Variants in CRIM1 observed in about 807,000 individuals in gnomAD.
The protein encoded by CRIM1 is cysteine rich transmembrane BMP regulator 1.
A neutral mutation model predicts 116.4 loss-of-function variants in CRIM1; 32 were observed. The observed-to-expected ratio is 0.27, with a 90% CI of 0.21 to 0.37. The LOEUF is 0.37. Among genes scored for constraint, CRIM1 ranks in the 10% least tolerant of loss-of-function variants. The probability of loss-of-function intolerance (pLI) is 1.00; values close to 1 mark genes in which losing one functional copy is unlikely to be tolerated. For missense variants in CRIM1, 1,331 were observed against 1,354.8 expected (o/e 0.98, Z 0.28); for synonymous variants, 590 against 509.2 (o/e 1.16, Z -2.13).
intron 1 of CRIM1, among the ~76,000 whole-genome samples, chr2:36,371,398 G>T (rs560145000): frequency 6.6e-6 from 1 of 152,008 alleles, no homozygotes; most frequent in Non-Finnish European, 1.5e-5. Context: ...TTATTCTAGC[G>T]CTTGGCACAC....
chr2:36,424,598 T>A (rs991039621), intron 2 of CRIM1, among the ~76,000 whole-genome samples: 5 of 151,716 alleles, frequency 3.3e-5, no homozygotes, highest in African/African-American at 1.2e-4. Context: ...ACTTCACACA[T>A]CACTCTCCTT....
Position 36,470,865 on chromosome 2 carries a change from T to C in CRIM1, c.992-6024T>C, listed in dbSNP as rs116100689. 7.2e-3 allele frequency among the ~76,000 whole-genome samples: 1,102 copies of C among 152,294 alleles called. 11 individuals carry two copies. The highest frequency in any genetic ancestry group is 0.011 in the Non-Finnish European group (725 of 68,026). ...ATCAGAACTAAATCAATTGAAAACC[T>C]TCTGCAAAGGATTCACTCACCATTC... is the stretch of plus-strand genomic sequence containing the variant. On this transcript the variant is annotated intron_variant, in intron 5 of 16. Coordinates refer to ENST00000280527, the MANE Select transcript of CRIM1 (RefSeq NM_016441.3).
chr2:36,432,248 G>A (rs139610746), intron 2 of CRIM1, among the ~76,000 whole-genome samples: 176 of 152,208 alleles, frequency 1.2e-3, no homozygotes, highest in African/African-American at 4.0e-3. Context: ...AAAATTAAAC[G>A]TTTTGAAACC....
In CRIM1 at chr2:36,412,996, A is replaced by G. The variant is rs115420244; in HGVS notation, c.505+16209A>G. On this transcript the variant is annotated intron_variant, in intron 2 of 16. Coordinates refer to ENST00000280527, the MANE Select transcript of CRIM1 (RefSeq NM_016441.3). ...ATATCCCCAGGAAAAAGGTTATAAAATTACAACACCTAGACACATTGAGGT... is the reference window on the plus strand; with the variant it reads ...ATATCCCCAGGAAAAAGGTTATAAAGTTACAACACCTAGACACATTGAGGT... Among the ~76,000 whole-genome samples the G allele has an allele frequency of 4.4e-3, 676 of 152,342 alleles. 10 individuals carry two copies. Among genetic ancestry groups the G allele is most frequent in the African/African-American group, 0.016 (653 of 41,568 alleles).
intron 15 of CRIM1, among the ~76,000 whole-genome samples, chr2:36,546,326 G>A (rs903517430): frequency 1.3e-5 from 2 of 152,066 alleles, no homozygotes; most frequent in Non-Finnish European, 2.9e-5. Flanking sequence ...AGAACATAAA[G>A]GTCATCATTC....
chr2:36,393,284 T>G (rs1399197967), intron 1 of CRIM1, among the ~76,000 whole-genome samples: 1 of 152,202 alleles, frequency 6.6e-6, no homozygotes, highest in Non-Finnish European at 1.5e-5. Context: ...CATACAGTGC[T>G]GTAATGATAA....
intron 2 of CRIM1, among the ~76,000 whole-genome samples, chr2:36,406,533 C>T (rs1672808360): frequency 1.3e-5 from 2 of 151,654 alleles, no homozygotes; most frequent in Non-Finnish European, 2.9e-5. Flanking sequence ...ATCCTTTGCT[C>T]ATGTCAGGAA....
intron 1 of CRIM1, among the ~76,000 whole-genome samples, chr2:36,379,547 G>A (rs1437317587): frequency 6.6e-6 from 1 of 152,156 alleles, no homozygotes; most frequent in Non-Finnish European, 1.5e-5. Context: ...GAGGTAATGT[G>A]CAGTCTTCCG....
chr2:36,451,099 A>G (rs1484868508), intron 4 of CRIM1, among the ~76,000 whole-genome samples: 2 of 152,236 alleles, frequency 1.3e-5, no homozygotes, highest in East Asian at 3.8e-4. Context: ...AAAATGCTCC[A>G]ATCGGTTAAA....
intron 9 of CRIM1, among the ~76,000 whole-genome samples, chr2:36,510,478 A>T (rs930618160): frequency 2.6e-5 from 4 of 152,170 alleles, no homozygotes; most frequent in Non-Finnish European, 4.4e-5. Context: ...AACTCTTCAC[A>T]CCTGTCCCAA....
intron 1 of CRIM1, among the ~76,000 whole-genome samples, chr2:36,362,273 C>T (rs374991228): frequency 6.6e-6 from 1 of 152,142 alleles, no homozygotes; most frequent in Non-Finnish European, 1.5e-5. Context: ...GGAATTAAAG[C>T]ATCTGAAGTG....
chr2:36,548,787 A>AG lies in CRIM1; in HGVS notation c.*87dup. 8.7e-7 allele frequency: 1 copy of AG among 1,149,984 alleles called. No homozygotes were observed. Among genetic ancestry groups the AG allele is most frequent in the Admixed American group, 2.4e-5 (1 of 42,540 alleles). 71.2% of individuals were successfully genotyped at this position (1,149,984 alleles called of 1,614,324 possible). A position where few individuals can be genotyped will look rare whatever the true frequency, so the allele number is the denominator to read the frequency against. On this transcript the variant is annotated 3_prime_UTR_variant, in exon 17 of 17. Transcript: ENST00000280527. ...TAAACTAGAATTTGTGCACTTGCTT[A>AG]GTGGATTGTATTGGATTGTGACTTG...
At position 36,407,685 on chromosome 2, in the gene CRIM1, G is replaced by A. The variant is rs1672911563; in HGVS notation, c.505+10898G>A. ...GTCATACAGCGACCTTCTGGTTGTT[G>A]TGATTTCTTGTGCCCGTCAAAAAAA... On this transcript the variant is annotated intron_variant, in intron 2 of 16. Coordinates refer to ENST00000280527, the MANE Select transcript of CRIM1 (RefSeq NM_016441.3). 2.2e-5 allele frequency among the ~76,000 whole-genome samples: 3 copies of A among 138,570 alleles called. No individual in the cohort carries two copies. In the Admixed American group the frequency reaches 2.2e-4, roughly 10 times the overall value. 90.9% of individuals were successfully genotyped at this position (138,570 alleles called of 152,430 possible). A position where few individuals can be genotyped will look rare whatever the true frequency, so the allele number is the denominator to read the frequency against.
At chr2:36,469,582 G>C (rs1678326311) in intron 5 of CRIM1, among the ~76,000 whole-genome samples, 1 of 152,100 alleles carries the variant, frequency 6.6e-6, no homozygotes, top group Non-Finnish European at 1.5e-5. Context: ...GCCGTACCCA[G>C]CATCAGCTTG....
chr2:36,405,318 G>C (rs900476213), intron 2 of CRIM1, among the ~76,000 whole-genome samples: 4 of 152,116 alleles, frequency 2.6e-5, no homozygotes, highest in Non-Finnish European at 5.9e-5. Flanking sequence ...CACTAGAACC[G>C]CTTCATGGAG....
intron 1 of CRIM1, among the ~76,000 whole-genome samples, chr2:36,384,278 T>G (rs1190036896): frequency 1.3e-5 from 2 of 152,192 alleles, no homozygotes; most frequent in Admixed American, 1.3e-4. Flanking sequence ...GAAGAGCAGC[T>G]GTCTGCACAG....
chr2:36,387,023 C>G (rs1234480897), intron 1 of CRIM1, among the ~76,000 whole-genome samples: 1 of 152,200 alleles, frequency 6.6e-6, no homozygotes, highest in Non-Finnish European at 1.5e-5. Flanking sequence ...GGGATCAAGT[C>G]TAAACTGGCT....
intron 1 of CRIM1, among the ~76,000 whole-genome samples, chr2:36,370,924 T>C (rs552356689): frequency 1.6e-4 from 24 of 152,286 alleles, no homozygotes; most frequent in Admixed American, 8.5e-4. Context: ...AAGGGAAAAT[T>C]AGACCCCTAA....
chr2:36,442,536 A>C, intron 3 of CRIM1, 79 bp from the exon 4 acceptor site: 1 of 1,559,400 alleles, frequency 6.4e-7, no homozygotes, highest in South Asian at 1.1e-5. Context: ...ACATTTGTCA[A>C]GAGCTAGTAT....
Sources: gnomAD v4.1 joint callset for allele counts (sites outside exome capture counted in the v4.1 genomes callset) on GRCh38, gnomAD v4.1.1 for gene constraint, MANE v1.5 for transcripts, NCBI Gene and HGNC (gene_info 2026-07-23, HGNC 2026-07-21) for gene names.